KMT5B: variants seen among roughly 807,000 people sequenced by gnomAD.
KMT5B encodes histone-lysine N-methyltransferase KMT5B.
A neutral mutation model predicts 83.2 loss-of-function variants in KMT5B; 10 were observed. That is an observed-to-expected ratio of 0.12 (90% confidence interval 0.07 to 0.20). The LOEUF is 0.20. Among genes scored for constraint, KMT5B ranks in the 10% least tolerant of loss-of-function variants. The pLI is 1.00. For missense variants in KMT5B, 753 were observed against 1,067.2 expected (o/e 0.71, Z 4.10); for synonymous variants, 349 against 388.8 (o/e 0.90, Z 1.20).
At chr11:68,202,906 T>C (rs112365488) in intron 1 of KMT5B, among the ~76,000 whole-genome samples, 1 of 152,088 alleles carries the variant, frequency 6.6e-6, no homozygotes, top group Non-Finnish European at 1.5e-5. Flanking sequence ...AAATACCTGT[T>C]TGAGTACCCG....
At chr11:68,196,557 T>TA (rs201724866) in intron 1 of KMT5B, among the ~76,000 whole-genome samples, 13 of 150,714 alleles carry the variant, frequency 8.6e-5, no homozygotes, top group South Asian at 4.2e-4. Flanking sequence ...ATTTCTGCAT[T>TA]AAAAAAAACT....
chr11:68,166,955 T>C, intron 10 of KMT5B, 27 bp downstream of exon 10: 1 of 1,610,294 alleles, frequency 6.2e-7, no homozygotes, highest in Non-Finnish European at 8.5e-7. Flanking sequence ...TTTTAAAAGA[T>C]ATGCTTATCA....
In KMT5B at chr11:68,170,877, C is replaced by A. The variant is rs971212901; in HGVS notation, c.977+138G>T. 7 of 873,878 alleles carry A rather than the reference C, an allele frequency of 8.0e-6. No individual in the cohort carries two copies. The African/African-American group carries it at 8.7e-5, about 11-fold the overall frequency. The allele number at this position is 873,878 out of a possible 1,614,324, so 54.1% of individuals were successfully genotyped here. ...TGCAGCATTTGACTTTGTTCATACA[C>A]ACTGCACCAGCCGCTATGCTAAAGA... On this transcript the variant is annotated intron_variant, in intron 9 of 10. Coordinates refer to ENST00000304363, the MANE Select transcript of KMT5B (RefSeq NM_017635.5).
At chr11:68,175,303 G>T (rs1856246363) in intron 4 of KMT5B, 120 bp from the exon 5 acceptor site, 2 of 686,742 alleles carry the variant, frequency 2.9e-6, no homozygotes, top group Non-Finnish European at 4.8e-6. Flanking sequence ...TCAGAGCAAA[G>T]ATCTAAGAGA....
Position 68,155,257 on chromosome 11 carries a change from G to C in KMT5B, c.*2431C>G, listed in dbSNP as rs966495411. Reference sequence around the variant, plus strand: ...ACGGTGAAGTTCTACAGCAGATCCGGAACAGTTCCGAGGCCCCTACCTTTA... The same window carrying C: ...ACGGTGAAGTTCTACAGCAGATCCGCAACAGTTCCGAGGCCCCTACCTTTA... On this transcript the variant is annotated 3_prime_UTR_variant, in exon 11 of 11. Transcript: ENST00000304363. 8 of 152,150 alleles carry C rather than the reference G, an allele frequency of 5.3e-5. No homozygotes were observed. Among genetic ancestry groups the C allele is most frequent in the African/African-American group, 1.2e-4 (5 of 41,424 alleles). 9.4% of individuals were successfully genotyped at this position (152,150 alleles called of 1,614,324 possible). A position where few individuals can be genotyped will look rare whatever the true frequency, so the allele number is the denominator to read the frequency against.
chr11:68,195,285 C>T (rs914627668), intron 1 of KMT5B, among the ~76,000 whole-genome samples: 1 of 152,206 alleles, frequency 6.6e-6, no homozygotes, highest in Non-Finnish European at 1.5e-5. Flanking sequence ...CCACCTCTGT[C>T]TCTTACTAGG....
At chr11:68,212,009 AT>A (rs1169731328) in intron 1 of KMT5B, among the ~76,000 whole-genome samples, 1 of 152,240 alleles carries the variant, frequency 6.6e-6, no homozygotes, top group Non-Finnish European at 1.5e-5. Context: ...GCGGCAATTT[AT>A]GTATTTCAAC....
intron 1 of KMT5B, among the ~76,000 whole-genome samples, chr11:68,197,018 T>TA (rs1335877358): frequency 2.6e-5 from 4 of 152,090 alleles, no homozygotes; most frequent in Non-Finnish European, 5.9e-5. Context: ...GTCCCCAAGT[T>TA]AGAGTGCAGT....
At chr11:68,191,173 T>TGTGTGTGTGTG (rs1858004569) in intron 1 of KMT5B, among the ~76,000 whole-genome samples, 2 of 139,172 alleles carry the variant, frequency 1.4e-5, no homozygotes, top group African/African-American at 5.4e-5. Context: ...TTTTAAAACT[T>TGTGTGTGTGTG]TGTGTGTGTG....
In KMT5B at chr11:68,171,484, TTC is replaced by T; in HGVS notation, c.820+57_820+58del. 1 of 1,550,600 alleles carries T rather than the reference TTC, an allele frequency of 6.4e-7. No homozygotes were observed. Among genetic ancestry groups the T allele is most frequent in the Non-Finnish European group, 8.8e-7 (1 of 1,135,808 alleles). Reference sequence around the variant, plus strand: ...GGTTTGACTGAGGTTGACAAGGCCATTCTAGCAGTTAGCAGGAATGGCCAACA... The same window carrying T: ...GGTTTGACTGAGGTTGACAAGGCCATTAGCAGTTAGCAGGAATGGCCAACA... On this transcript the variant is annotated intron_variant, in intron 7 of 10. Coordinates refer to ENST00000304363, the MANE Select transcript of KMT5B (RefSeq NM_017635.5). This position sits in a 1 kb window ranked among gnomAD's most constrained non-coding sequence, Gnocchi z 5.1.
intron 3 of KMT5B, among the ~76,000 whole-genome samples, chr11:68,183,920 A>G (rs1223536440): frequency 6.6e-6 from 1 of 151,854 alleles, no homozygotes; most frequent in Non-Finnish European, 1.5e-5. Context: ...TTGGCCTCCC[A>G]AAGTGCTGAG....
chr11:68,179,962 A>C (rs768474953), intron 4 of KMT5B, 170 bp downstream of exon 4: 7 of 708,600 alleles, frequency 9.9e-6, no homozygotes, highest in Non-Finnish European at 1.6e-5. Context: ...TATGAAGTAC[A>C]AGTGGTTTTT....
chr11:68,179,931 T>A, intron 4 of KMT5B: 4 of 584,834 alleles, frequency 6.8e-6, no homozygotes, highest in Non-Finnish European at 1.1e-5. Context: ...GAATGATTTG[T>A]TTCTCTTAAA....
At chr11:68,184,104 C>T (rs961642392) in intron 3 of KMT5B, among the ~76,000 whole-genome samples, 1 of 152,094 alleles carries the variant, frequency 6.6e-6, no homozygotes, top group Non-Finnish European at 1.5e-5. Flanking sequence ...GACATGGTGG[C>T]TCACGTCTAT....
intron 9 of KMT5B, among the ~76,000 whole-genome samples, chr11:68,169,444 A>C (rs1338760667): frequency 6.6e-6 from 1 of 152,248 alleles, no homozygotes; most frequent in African/African-American, 2.4e-5. Flanking sequence ...ATATAGCGGA[A>C]AATGAAACAG....
chr11:68,172,963 GGGAACAGGCATGATAGGAAAGAA>G (rs1307618494), intron 6 of KMT5B, among the ~76,000 whole-genome samples: 43 of 152,156 alleles, frequency 2.8e-4, no homozygotes, highest in Admixed American at 7.2e-4. Flanking sequence ...AGATAACATA[GGGAACAGGCATGATAGGAAAGAA>G]GATACAGTAG....
intron 1 of KMT5B, among the ~76,000 whole-genome samples, chr11:68,210,512 T>C (rs977135485): frequency 6.6e-5 from 10 of 151,166 alleles, no homozygotes; most frequent in African/African-American, 2.2e-4. Context: ...GCCCTATCAA[T>C]GACTTATACA....
At chr11:68,211,630 A>G (rs910962347) in intron 1 of KMT5B, among the ~76,000 whole-genome samples, 4 of 152,160 alleles carry the variant, frequency 2.6e-5, no homozygotes, top group African/African-American at 9.7e-5. Flanking sequence ...AGACTCAAAA[A>G]CTCACGAGTA....
chr11:68,205,656 T>C (rs1022859012), intron 1 of KMT5B, among the ~76,000 whole-genome samples: 4 of 150,538 alleles, frequency 2.7e-5, no homozygotes, highest in Non-Finnish European at 5.9e-5. Context: ...AGTCTCACTC[T>C]GTCCACCAGG....
Sources: gnomAD v4.1 joint callset for allele counts (sites outside exome capture counted in the v4.1 genomes callset) on GRCh38, gnomAD v4.1.1 for gene constraint, Gnocchi (gnomAD v3.1) non-coding constraint, MANE v1.5 for transcripts, NCBI Gene and HGNC (gene_info 2026-07-23, HGNC 2026-07-21) for gene names.